The following LYST variants were observed in gnomAD, a reference collection of about 807,000 sequenced individuals.
LYST encodes the protein lysosomal-trafficking regulator.
Under a neutral mutation model 413.6 loss-of-function variants are expected in LYST, and 192 were observed. That is an observed-to-expected ratio of 0.46 (90% CI 0.41 to 0.52). The LOEUF is 0.52. Among genes scored for constraint, LYST ranks in the 20% least tolerant of loss-of-function variants. The pLI is 0.00. For synonymous variants in LYST, 1,525 were observed against 1,567.3 expected (o/e 0.97, Z 0.64); for missense variants, 3,815 against 4,499.9 (o/e 0.85, Z 4.35).
In LYST at chr1:235,806,048, G is replaced by A; in HGVS notation, c.3088C>T (p.Pro1030Ser). ...ENQDLNRISQ[P>S]KRTMKEDLLS... is the part of the protein sequence containing the mutation. ...AAATCTTCCTTCATAGTTCTCTTAG[G>A]TTGAGAAATTCTGTTTAAATCCTGG... The change falls in exon 6 of 53, where the codon CCT (proline) becomes TCT (serine). Residue 1030 changes from proline (P) to serine (S), a missense_variant. Pro to Ser is a moderately conservative substitution (Grantham distance 74). Coordinates refer to ENST00000389793, the MANE Select transcript of LYST (RefSeq NM_000081.4). 2 of 1,613,684 alleles carry A rather than the reference G, an allele frequency of 1.2e-6. No homozygotes were observed. Among genetic ancestry groups the A allele is most frequent in the South Asian group, 2.2e-5 (2 of 91,070 alleles).
Position 235,781,075 on chromosome 1 carries a change from A to G in LYST, c.5024-20T>C. 1 of 1,540,916 alleles carries G rather than the reference A, an allele frequency of 6.5e-7. No homozygotes were observed. The highest frequency in any genetic ancestry group is 9.0e-7 in the Non-Finnish European group (1 of 1,115,964). ...TAGCTCCTGAATAGCAGAAAAATAA[A>G]GTTAGTTATTTAAAACACCCTAACC... On this transcript the variant is annotated intron_variant, in intron 15 of 52. Coordinates refer to ENST00000389793, the MANE Select transcript of LYST (RefSeq NM_000081.4).
At chr1:235,807,026 C>T (rs1322928598) in intron 5 of LYST, among the ~76,000 whole-genome samples, 1 of 152,138 alleles carries the variant, frequency 6.6e-6, no homozygotes, top group Non-Finnish European at 1.5e-5. Context: ...AAAAGATTGC[C>T]TGTCCCACAT....
At chr1:235,730,966 T>A in intron 35 of LYST, 23 bp from the exon 36 acceptor site, 1 of 1,605,948 alleles carries the variant, frequency 6.2e-7, no homozygotes, top group Non-Finnish European at 8.5e-7. Flanking sequence ...AAAGTAAATA[T>A]TATCTTTATC....
Position 235,752,185 on chromosome 1 carries a change from C to T in LYST, c.7461-14G>A, listed in dbSNP as rs369723811. 6.3e-7 allele frequency: 1 copy of T among 1,582,744 alleles called. No homozygotes were observed. The highest frequency in any genetic ancestry group is 1.1e-5 in the South Asian group (1 of 90,060). On this transcript the variant is annotated splice_polypyrimidine_tract_variant and intron_variant, in intron 26 of 52. Coordinates refer to ENST00000389793, the MANE Select transcript of LYST (RefSeq NM_000081.4). ...CTCATGGGAATGCTAAAGATAACAA[C>T]AAAAGAAGAAAACAGAACATTTATA...
intron 5 of LYST, among the ~76,000 whole-genome samples, chr1:235,807,612 G>A (rs1236130960): frequency 6.6e-6 from 1 of 152,124 alleles, no homozygotes; most frequent in African/African-American, 2.4e-5. Context: ...TGCCACACAC[G>A]AAGATATTGA....
chr1:235,692,755 G>A (rs769220521), intron 47 of LYST, among the ~76,000 whole-genome samples: 11 of 152,038 alleles, frequency 7.2e-5, no homozygotes, highest in Non-Finnish European at 1.3e-4. Context: ...CAGACACAGT[G>A]GCTCACTGTA....
chr1:235,826,212 C>T (rs1437443706), intron 3 of LYST, among the ~76,000 whole-genome samples: 1 of 152,154 alleles, frequency 6.6e-6, no homozygotes, highest in African/African-American at 2.4e-5. Flanking sequence ...AACTACTTTG[C>T]AAAACAGTTG....
rs2103007422 is a variant in LYST, at chr1:235,664,420, T to C, written c.11195+45A>G. 1 of 1,566,066 alleles carries C rather than the reference T, an allele frequency of 6.4e-7. No homozygotes were observed. The highest frequency in any genetic ancestry group is 1.1e-5 in the South Asian group (1 of 90,114). On this transcript the variant is annotated intron_variant, in intron 51 of 52. Transcript: ENST00000389793. This position sits in a 1 kb window ranked among gnomAD's most constrained non-coding sequence, Gnocchi z 4.5. ...AAAATTAATTTCTGAAACTCCTGTG[T>C]CCTTATGAATGAAATCAAAAAAAGA...
chr1:235,727,980 C>T, intron 38 of LYST, 96 bp downstream of exon 38: 1 of 903,644 alleles, frequency 1.1e-6, no homozygotes, highest in South Asian at 1.3e-5. Flanking sequence ...AAAGAATGAA[C>T]TCTAATAGTT....
At chr1:235,860,549 T>C (rs1346963767) in intron 1 of LYST, among the ~76,000 whole-genome samples, 1 of 152,208 alleles carries the variant, frequency 6.6e-6, no homozygotes, top group African/African-American at 2.4e-5. Flanking sequence ...CTCCATAGTT[T>C]TGCCTTTCCC....
intron 14 of LYST, among the ~76,000 whole-genome samples, chr1:235,786,654 G>A (rs1245021723): frequency 1.3e-5 from 2 of 152,038 alleles, no homozygotes; most frequent in African/African-American, 4.8e-5. Context: ...CAACCCAAAT[G>A]TCCATCAATG....
chr1:235,798,612 A>C (rs1398280073), intron 10 of LYST, among the ~76,000 whole-genome samples: 2 of 125,948 alleles, frequency 1.6e-5, no homozygotes, highest in East Asian at 2.0e-4. Flanking sequence ...AAAAAAAAAA[A>C]AAAACACTGA....
chr1:235,693,441 A>C lies in LYST; in HGVS notation c.10610T>G (p.Leu3537Arg). The stretch of plus-strand genomic sequence containing the variant: ...AATATTATCAGCATATCCCCAGCTC[A>C]GGATGGCTGACCACTGAATGTCCGT... ...NSTDIQWSAI[L>R]SWGYADNILR... The change falls in exon 47 of 53, where the codon CTG becomes CGG. Residue 3537 changes from leucine to arginine, a missense_variant. Around this residue, in one of 4 missense-constraint regions of LYST, gnomAD observed 866 missense variants for 1,156.0 expected, o/e 0.75. Transcript: ENST00000389793. 1 of 1,613,136 alleles carries C rather than the reference A, an allele frequency of 6.2e-7. No individual in the cohort carries two copies.
chr1:235,854,488 T>A lies in LYST; in HGVS notation c.-98+12355A>T, dbSNP rs115051661. Among the ~76,000 whole-genome samples, 1,039 of 152,294 alleles carry A rather than the reference T, an allele frequency of 6.8e-3. 3 individuals carry two copies. The highest frequency in any genetic ancestry group is 0.024 in the African/African-American group (983 of 41,564). On this transcript the variant is annotated intron_variant, in intron 1 of 52. Coordinates refer to ENST00000389793, the MANE Select transcript of LYST (RefSeq NM_000081.4). The surrounding 1 kb of genome is among the most constrained non-coding windows in gnomAD (Gnocchi z 4.1). ...CAGTGACTGAGGTGAGAAACCAGAA[T>A]AGCACTTCATCTAGTGCCTAGTCAA...
At chr1:235,794,022 G>A (rs920441416) in intron 10 of LYST, among the ~76,000 whole-genome samples, 3 of 151,818 alleles carry the variant, frequency 2.0e-5, no homozygotes, top group Non-Finnish European at 4.4e-5. Context: ...TAGAAGAGAC[G>A]GGGTTTCACC....
At chr1:235,722,553 T>C (rs955274775) in intron 39 of LYST, among the ~76,000 whole-genome samples, 4 of 152,226 alleles carry the variant, frequency 2.6e-5, no homozygotes, top group Admixed American at 2.6e-4. Flanking sequence ...TGGCGTGATC[T>C]TGGCTCGCTG....
chr1:235,704,527 T>C (rs990949532), intron 44 of LYST, among the ~76,000 whole-genome samples: 1 of 152,252 alleles, frequency 6.6e-6, no homozygotes, highest in African/African-American at 2.4e-5. Flanking sequence ...CTTTTTTTCA[T>C]ATGTTTGTTG....
chr1:235,817,775 C>G (rs762798400), intron 3 of LYST, among the ~76,000 whole-genome samples: 19 of 152,128 alleles, frequency 1.2e-4, no homozygotes, highest in Non-Finnish European at 2.5e-4. Flanking sequence ...TGCTTATTAC[C>G]TGGGTGATGA....
intron 45 of LYST, among the ~76,000 whole-genome samples, chr1:235,701,550 C>T (rs1234727081): frequency 2.0e-5 from 3 of 152,118 alleles, no homozygotes; most frequent in South Asian, 4.1e-4. Flanking sequence ...ACTGTTTGAA[C>T]CCGGGAGGCA....
Sources: gnomAD v4.1 joint callset for allele counts (sites outside exome capture counted in the v4.1 genomes callset) on GRCh38, gnomAD v4.1.1 for gene constraint, gnomAD v4.1.1 regional missense constraint, Gnocchi (gnomAD v3.1) non-coding constraint, MANE v1.5 for transcripts, NCBI Gene and HGNC (gene_info 2026-07-23, HGNC 2026-07-21) for gene names.